Variants in TMCO4 observed in about 807,000 individuals in gnomAD.
TMCO4 encodes the protein transmembrane and coiled-coil domain-containing protein 4.
TMCO4 carries 58 observed loss-of-function variants against 64.7 expected under a neutral mutation model. That is an observed-to-expected ratio of 0.90 (90% CI 0.73 to 1.12). The LOEUF (loss-of-function observed/expected upper bound fraction) is 1.12. Among genes scored for constraint, TMCO4 ranks in the 50% most tolerant of loss-of-function variants. The pLI is 0.00. For synonymous variants in TMCO4, 325 were observed against 346.1 expected (o/e 0.94, Z 0.68); for missense variants, 780 against 825.9 (o/e 0.94, Z 0.68).
chr1:19,779,800 A>G (rs1031971125), intron 4 of TMCO4, among the ~76,000 whole-genome samples: 3 of 152,182 alleles, frequency 2.0e-5, no homozygotes, highest in African/African-American at 7.2e-5. Context: ...AAATATTAAT[A>G]TCTTATCCGT....
chr1:19,785,539 C>T (rs1430826498), intron 3 of TMCO4, among the ~76,000 whole-genome samples: 1 of 152,180 alleles, frequency 6.6e-6, no homozygotes, highest in Non-Finnish European at 1.5e-5. Context: ...ATGTGGGAAG[C>T]CCTGTTCTGG....
chr1:19,693,946 G>A (rs997055255), intron 15 of TMCO4, among the ~76,000 whole-genome samples: 2 of 152,134 alleles, frequency 1.3e-5, no homozygotes, highest in Non-Finnish European at 2.9e-5. Context: ...CAAGAGTGAG[G>A]GCTCTGGAGG....
chr1:19,722,813 C>T (rs1054185854), intron 13 of TMCO4, among the ~76,000 whole-genome samples: 2 of 152,134 alleles, frequency 1.3e-5, no homozygotes, highest in African/African-American at 4.8e-5. Flanking sequence ...GACCCTGGGG[C>T]AAGGGGGCTG....
chr1:19,762,107 C>T (rs1479385751), intron 6 of TMCO4, among the ~76,000 whole-genome samples: 1 of 152,192 alleles, frequency 6.6e-6, no homozygotes, highest in Non-Finnish European at 1.5e-5. Flanking sequence ...GGATTATAAT[C>T]CAAATTATGT....
intron 1 of TMCO4, chr1:19,799,456 C>A (rs2044493668): frequency 6.6e-6 from 1 of 152,390 alleles, no homozygotes; most frequent in African/African-American, 2.4e-5. Flanking sequence ...CCTCTTGTGA[C>A]CTTGGGCAAG....
At chr1:19,776,315 G>C (rs1409875654) in intron 4 of TMCO4, among the ~76,000 whole-genome samples, 1 of 152,192 alleles carries the variant, frequency 6.6e-6, no homozygotes, top group Non-Finnish European at 1.5e-5. Context: ...AACACTCCAC[G>C]GCAAATGCTT....
At chr1:19,721,078 CT>C (rs1368600276) in intron 13 of TMCO4, among the ~76,000 whole-genome samples, 37 of 152,238 alleles carry the variant, frequency 2.4e-4, no homozygotes, top group African/African-American at 8.4e-4. Context: ...AGGAATGCTC[CT>C]TTGCTGCAGA....
chr1:19,694,688 G>T, intron 14 of TMCO4, 137 bp from the exon 15 acceptor site: 1 of 737,350 alleles, frequency 1.4e-6, no homozygotes, highest in Non-Finnish European at 2.3e-6. Flanking sequence ...TGATTGCACG[G>T]TGGGGATGGA....
chr1:19,694,497 G>A lies in TMCO4; in HGVS notation c.1437C>T (p.Val479=), dbSNP rs149737502. The change falls in exon 15 of 16, where the codon GTC becomes GTT. Residue 479 remains valine, a synonymous_variant. Transcript: ENST00000294543. ...VYRTSSVQLR[V]AGLQPVLLQD... ...GCAGCAGCACGGGCTGTAGGCCGGC[G>A]ACACGGAGCTGCACCGAGGATGTGC... is the stretch of plus-strand genomic sequence containing the variant. The A allele has an allele frequency of 8.5e-5, 137 of 1,613,996 alleles. No individual in the cohort carries two copies. Among genetic ancestry groups the A allele is most frequent in the Non-Finnish European group, 1.1e-4 (134 of 1,179,984 alleles).
At chr1:19,705,306 C>T (rs573950778) in intron 13 of TMCO4, among the ~76,000 whole-genome samples, 183 of 152,052 alleles carry the variant, frequency 1.2e-3, no homozygotes, top group Middle Eastern at 3.4e-3. Flanking sequence ...CAAAAATTAG[C>T]CAGGCGTGGT....
At chr1:19,785,994 C>T (rs1237587887) in intron 3 of TMCO4, among the ~76,000 whole-genome samples, 1 of 152,214 alleles carries the variant, frequency 6.6e-6, no homozygotes, top group Non-Finnish European at 1.5e-5. Context: ...CACAGTGGCT[C>T]ACGCCTGTAA....
At position 19,743,449 on chromosome 1, in the gene TMCO4, C is replaced by T. The variant is rs927922787; in HGVS notation, c.877+2083G>A. On this transcript the variant is annotated intron_variant, in intron 10 of 15. Coordinates refer to ENST00000294543, the MANE Select transcript of TMCO4 (RefSeq NM_181719.7). This position sits in a 1 kb window ranked among gnomAD's most constrained non-coding sequence, Gnocchi z 4.1. ...TGATAAGGCTTCTTTTCCTGGCTCTCGAGGAGGTAGGAATATGTGATATTT... is the reference window on the plus strand; with the variant it reads ...TGATAAGGCTTCTTTTCCTGGCTCTTGAGGAGGTAGGAATATGTGATATTT... Among the ~76,000 whole-genome samples the T allele has an allele frequency of 1.3e-5, 2 of 152,116 alleles. No homozygotes were observed. The highest frequency in any genetic ancestry group is 2.9e-5 in the Non-Finnish European group (2 of 68,016).
intron 3 of TMCO4, among the ~76,000 whole-genome samples, chr1:19,785,977 G>A (rs1015209304): frequency 6.6e-6 from 1 of 152,228 alleles, no homozygotes; most frequent in Non-Finnish European, 1.5e-5. Flanking sequence ...AGACAATGGT[G>A]GCTGGGCACA....
chr1:19,694,681 T>G, intron 14 of TMCO4, 130 bp from the exon 15 acceptor site: 3 of 755,180 alleles, frequency 4.0e-6, no homozygotes, highest in Non-Finnish European at 4.4e-6. Flanking sequence ...GGGCCCCTGA[T>G]TGCACGGTGG....
intron 13 of TMCO4, among the ~76,000 whole-genome samples, chr1:19,706,637 T>C (rs79255642): frequency 0.028 from 4,339 of 152,318 alleles, 209 homozygotes; most frequent in African/African-American, 0.098. Context: ...CTGTGAGAGC[T>C]GAAGGCCTTT....
chr1:19,721,650 A>G (rs963923919), intron 13 of TMCO4, among the ~76,000 whole-genome samples: 10 of 152,118 alleles, frequency 6.6e-5, no homozygotes, highest in African/African-American at 2.2e-4. Context: ...TGAGTCAGGC[A>G]TGGTGGCACA....
intron 13 of TMCO4, among the ~76,000 whole-genome samples, chr1:19,703,002 T>C (rs1253650177): frequency 6.6e-6 from 1 of 152,194 alleles, no homozygotes; most frequent in Admixed American, 6.5e-5. Context: ...CAGATTATTG[T>C]CTATCATCTG....
At chr1:19,749,737 G>A (rs1488369943) in intron 7 of TMCO4, among the ~76,000 whole-genome samples, 4 of 152,126 alleles carry the variant, frequency 2.6e-5, no homozygotes, top group Admixed American at 6.5e-5. Context: ...CAAAACCAGC[G>A]ATAATCTAGA....
intron 4 of TMCO4, among the ~76,000 whole-genome samples, chr1:19,775,323 C>T (rs1307684401): frequency 1.3e-5 from 2 of 152,146 alleles, no homozygotes; most frequent in East Asian, 1.9e-4. Flanking sequence ...GTGATCCACC[C>T]GCCTCGGCCT....
Sources: gnomAD v4.1 joint callset for allele counts (sites outside exome capture counted in the v4.1 genomes callset) on GRCh38, gnomAD v4.1.1 for gene constraint, Gnocchi (gnomAD v3.1) non-coding constraint, MANE v1.5 for transcripts, NCBI Gene and HGNC (gene_info 2026-07-23, HGNC 2026-07-21) for gene names.